The following AGMO variants were observed in gnomAD, a reference collection of about 807,000 sequenced individuals.
The protein encoded by AGMO is glyceryl-ether monooxygenase.
In AGMO, 75 loss-of-function variants were observed where a neutral mutation model predicts 60.2. That is an observed-to-expected ratio of 1.25 (90% CI 1.03 to 1.51). AGMO has a LOEUF of 1.51. Among genes scored for constraint, AGMO ranks in the 40% most tolerant of loss-of-function variants. AGMO has a pLI of 0.00. For synonymous variants in AGMO, 261 were observed against 177.1 expected, an observed-to-expected ratio of 1.47 and a Z score of -3.76; for missense variants, 763 against 525.5, an observed-to-expected ratio of 1.45 and a Z score of -4.42.
rs1452225805 is a variant in AGMO at position 15,365,524 on chromosome 7, G to A, written c.1253C>T (p.Ser418Phe). 1 of 1,610,836 alleles carries A rather than the reference G, an allele frequency of 6.2e-7. No homozygotes were observed. The highest frequency in any genetic ancestry group is 8.5e-7 in the Non-Finnish European group (1 of 1,177,442). ...AAACAAATGTCTTACCTCAAAAGCA[G>A]ATGACAATGAAGGGACAAGAGGCTT... ...HLKPLVPSLSSAFEIVFSICI... is the reference protein window; with the variant it reads ...HLKPLVPSLSFAFEIVFSICI... The change falls in exon 12 of 13, where the codon TCT (serine) becomes TTT (phenylalanine). Residue 418 changes from serine (S) to phenylalanine (F), a missense_variant. Coordinates refer to ENST00000342526, the MANE Select transcript of AGMO (RefSeq NM_001004320.2).
At chr7:15,119,949 A>G in the AGMO span, among the ~76,000 whole-genome samples, 990 of 148,382 alleles carry the variant, frequency 6.7e-3, 10 homozygotes, top group African/African-American at 0.023. Flanking sequence ...TTTTTTTTCT[A>G]AATCCAGTTT....
At chr7:15,292,556 TAAAG>T (rs978489833) in intron 12 of AGMO, among the ~76,000 whole-genome samples, 31 of 152,090 alleles carry the variant, frequency 2.0e-4, no homozygotes, top group Admixed American at 1.2e-3. Context: ...ATTTTAAACT[TAAAG>T]AAAAGCATGT....
At chr7:15,441,550 C>A (rs1289787134) in intron 3 of AGMO, among the ~76,000 whole-genome samples, 1 of 152,012 alleles carries the variant, frequency 6.6e-6, no homozygotes, top group African/African-American at 2.4e-5. Flanking sequence ...TATTTGGCAG[C>A]CATAATAACC....
chr7:15,262,556 C>G (rs751893363), intron 12 of AGMO, among the ~76,000 whole-genome samples: 3 of 151,748 alleles, frequency 2.0e-5, no homozygotes, highest in Non-Finnish European at 4.4e-5. Flanking sequence ...AGTCTACAAA[C>G]TGAATGCAAT....
intron 10 of AGMO, among the ~76,000 whole-genome samples, chr7:15,381,302 G>T (rs181890226): frequency 1.8e-4 from 28 of 152,090 alleles, no homozygotes; most frequent in African/African-American, 6.7e-4. Flanking sequence ...ATAATATCAA[G>T]CATCTATAGG....
intron 5 of AGMO, among the ~76,000 whole-genome samples, chr7:15,415,156 G>A (rs1163575317): frequency 1.1e-4 from 17 of 151,836 alleles, no homozygotes; most frequent in Admixed American, 1.1e-3. Flanking sequence ...GTCATCAGTG[G>A]TGCAATCTCA....
intron 12 of AGMO, among the ~76,000 whole-genome samples, chr7:15,350,111 T>C (rs905482142): frequency 1.2e-4 from 18 of 152,306 alleles, no homozygotes; most frequent in African/African-American, 3.8e-4. Context: ...TGTTAATTCA[T>C]AATAACTGTG....
In AGMO at chr7:15,253,182, G is replaced by A. The variant is rs151014332; in HGVS notation, c.1264-51823C>T. On this transcript the variant is annotated intron_variant, in intron 12 of 12. Transcript: ENST00000342526. Reference sequence around the variant, plus strand: ...ACATGAAATAGAGACAAAATTTCTGGAGTGCTATTTTTGTGTAGATGAGAA... The same window carrying A: ...ACATGAAATAGAGACAAAATTTCTGAAGTGCTATTTTTGTGTAGATGAGAA... 2.3e-3 allele frequency among the ~76,000 whole-genome samples: 348 copies of A among 152,254 alleles called. 6 individuals are homozygous for A. The highest frequency in any genetic ancestry group is 3.4e-3 in the Middle Eastern group (1 of 294).
chr7:15,192,232 T>C, the AGMO span, among the ~76,000 whole-genome samples: 1 of 151,886 alleles, frequency 6.6e-6, no homozygotes, highest in Admixed American at 6.6e-5. Flanking sequence ...CCCAAAATGT[T>C]GCTTTATCCA....
At chr7:15,320,934 G>C (rs1269634159) in intron 12 of AGMO, among the ~76,000 whole-genome samples, 2 of 152,054 alleles carry the variant, frequency 1.3e-5, no homozygotes, top group East Asian at 1.9e-4. Flanking sequence ...ACAAGTTAAG[G>C]GTTTCAGCAA....
chr7:15,372,305 G>T (rs1461926825), intron 10 of AGMO, among the ~76,000 whole-genome samples: 1 of 151,970 alleles, frequency 6.6e-6, no homozygotes, highest in African/African-American at 2.4e-5. Flanking sequence ...ACAAAAATTA[G>T]CCAGGCATGG....
At chr7:15,328,245 G>A (rs1237177091) in intron 12 of AGMO, among the ~76,000 whole-genome samples, 2 of 152,104 alleles carry the variant, frequency 1.3e-5, no homozygotes, top group East Asian at 3.9e-4. Context: ...TTGCAGGTGT[G>A]TGCCACCACA....
the AGMO span, among the ~76,000 whole-genome samples, chr7:15,181,666 C>T: frequency 6.6e-6 from 1 of 151,976 alleles, no homozygotes; most frequent in Non-Finnish European, 1.5e-5. Flanking sequence ...CCTTCTTTAA[C>T]TTTAATATTC....
rs374638325 is a variant in AGMO at position 15,397,473 on chromosome 7, A to C, written c.610-3294T>G. ...CCCCCACAGCGCAGCGGCGGGCTGA[A>C]GGGCTCCTCGAGCGCGGCCAGAGCT... On this transcript the variant is annotated intron_variant, in intron 5 of 12. Transcript: ENST00000342526. 7.4e-3 allele frequency among the ~76,000 whole-genome samples: 1,122 copies of C among 152,232 alleles called. 11 individuals are homozygous for C. Among genetic ancestry groups the C allele is most frequent in the African/African-American group, 0.026 (1,063 of 41,570 alleles).
chr7:15,122,791 T>C, the AGMO span, among the ~76,000 whole-genome samples: 3 of 152,112 alleles, frequency 2.0e-5, no homozygotes, highest in Non-Finnish European at 4.4e-5. Context: ...GCCACTACCA[T>C]GTCTATTATG....
At chr7:15,361,227 A>C (rs957601491) in intron 12 of AGMO, among the ~76,000 whole-genome samples, 10 of 151,810 alleles carry the variant, frequency 6.6e-5, no homozygotes, top group African/African-American at 2.4e-4. Context: ...TATCTCTCAA[A>C]TATTTCCTCT....
chr7:15,381,284 A>T (rs1033712049), intron 10 of AGMO, among the ~76,000 whole-genome samples: 1 of 152,222 alleles, frequency 6.6e-6, no homozygotes, highest in Non-Finnish European at 1.5e-5. Flanking sequence ...TATGCATCCA[A>T]CAAAGGTATA....
the AGMO span, among the ~76,000 whole-genome samples, chr7:15,142,846 C>A: frequency 6.6e-6 from 1 of 152,014 alleles, no homozygotes; most frequent in African/African-American, 2.4e-5. Flanking sequence ...ATTGAATGTC[C>A]GATATGTATT....
chr7:15,141,915 T>TA, the AGMO span, among the ~76,000 whole-genome samples: 4 of 152,176 alleles, frequency 2.6e-5, no homozygotes, highest in Non-Finnish European at 5.9e-5. Context: ...AGAATATGTT[T>TA]AAAAAATCTA....
Sources: allele counts gnomAD v4.1 joint callset (sites outside exome capture counted in the v4.1 genomes callset), GRCh38; gene constraint gnomAD v4.1.1; transcripts MANE v1.5; gene names NCBI Gene and HGNC (gene_info 2026-07-23, HGNC 2026-07-21).